The following YWHAG variants were observed in gnomAD, a reference collection of about 807,000 sequenced individuals.
YWHAG encodes the protein tyrosine 3-monooxygenase/tryptophan 5-monooxygenase activation protein gamma.
YWHAG carries 1 observed loss-of-function variant against 23.3 expected under a neutral mutation model. That is an observed-to-expected ratio of 0.04 (90% CI 0.02 to 0.20). The LOEUF (loss-of-function observed/expected upper bound fraction) is 0.20. Ranked by LOEUF, YWHAG falls within the 10% of genes least tolerant of loss-of-function variation. The pLI is 1.00. For missense variants in YWHAG, 151 were observed against 338.6 expected, an observed-to-expected ratio of 0.45 and a Z score of 4.35; for synonymous variants, 160 against 144.0, an observed-to-expected ratio of 1.11 and a Z score of -0.80.
chr7:76,339,020 T>A (rs1381777435), intron 1 of YWHAG, among the ~76,000 whole-genome samples: 2 of 152,204 alleles, frequency 1.3e-5, no homozygotes, highest in African/African-American at 2.4e-5. Context: ...TACCCTGTTA[T>A]TCATACCTAC....
intron 1 of YWHAG, 76 bp from the exon 2 acceptor site, chr7:76,330,309 A>G: frequency 6.9e-7 from 1 of 1,446,320 alleles, no homozygotes; most frequent in Middle Eastern, 1.8e-4. Flanking sequence ...GAGACACTAG[A>G]ACAGAGCTCT....
intron 1 of YWHAG, among the ~76,000 whole-genome samples, chr7:76,353,613 A>T (rs1047491156): frequency 6.6e-6 from 1 of 152,358 alleles, no homozygotes; most frequent in South Asian, 2.1e-4. Context: ...TCTACAAATG[A>T]CAATTTTAAG....
At chr7:76,348,417 G>A (rs755982136) in intron 1 of YWHAG, among the ~76,000 whole-genome samples, 42 of 143,956 alleles carry the variant, frequency 2.9e-4, no homozygotes, top group Non-Finnish European at 5.4e-4. Flanking sequence ...CACCATGCCC[G>A]CTAATTTTTT....
At chr7:76,334,906 C>T (rs1469630887) in intron 1 of YWHAG, among the ~76,000 whole-genome samples, 1 of 152,104 alleles carries the variant, frequency 6.6e-6, no homozygotes, top group Non-Finnish European at 1.5e-5. Context: ...ACGAATGCAA[C>T]ACTTGTAAAC....
chr7:76,349,585 C>T (rs1286043508), intron 1 of YWHAG, among the ~76,000 whole-genome samples: 3 of 152,110 alleles, frequency 2.0e-5, no homozygotes, highest in African/African-American at 7.2e-5. Context: ...TGCCACAGCT[C>T]CAAATAATGT....
chr7:76,333,544 C>T (rs1231936250), intron 1 of YWHAG, among the ~76,000 whole-genome samples: 3 of 152,222 alleles, frequency 2.0e-5, no homozygotes, highest in African/African-American at 4.8e-5. Flanking sequence ...CTTCCTGTAT[C>T]GAGTGTCTCT....
chr7:76,347,100 G>A (rs988640962), intron 1 of YWHAG, among the ~76,000 whole-genome samples: 1 of 152,026 alleles, frequency 6.6e-6, no homozygotes, highest in African/African-American at 2.4e-5. Flanking sequence ...AACCCTCCCT[G>A]ACGACCAGTG....
chr7:76,331,811 C>G (rs904017843), intron 1 of YWHAG, among the ~76,000 whole-genome samples: 1 of 151,406 alleles, frequency 6.6e-6, no homozygotes, highest in Non-Finnish European at 1.5e-5. Context: ...CAAGACCAGC[C>G]TGGCCAACAT....
chr7:76,354,356 C>T (rs1477915156), intron 1 of YWHAG, among the ~76,000 whole-genome samples: 7 of 151,676 alleles, frequency 4.6e-5, no homozygotes, highest in Non-Finnish European at 8.8e-5. Context: ...ATCAAAACTA[C>T]AAAAATTCAC....
At position 76,347,035 on chromosome 7, in the gene YWHAG, C is replaced by G. The variant is rs1803788668; in HGVS notation, c.87+11687G>C. Among the ~76,000 whole-genome samples, 3 of 152,254 alleles carry G rather than the reference C, an allele frequency of 2.0e-5. No individual in the cohort carries two copies. In the South Asian group the frequency reaches 6.2e-4, roughly 32 times the overall value. Reference sequence around the variant, plus strand: ...GCCTGGCTATTCCTTCCTCCAACCTCTCCCCCTCCCTCAAGTTTCCCAAAG... The same window carrying G: ...GCCTGGCTATTCCTTCCTCCAACCTGTCCCCCTCCCTCAAGTTTCCCAAAG... On this transcript the variant is annotated intron_variant, in intron 1 of 1. Coordinates refer to ENST00000307630, the MANE Select transcript of YWHAG (RefSeq NM_012479.4).
intron 1 of YWHAG, among the ~76,000 whole-genome samples, chr7:76,346,608 TTTC>T (rs1002425887): frequency 1.3e-5 from 2 of 152,156 alleles, no homozygotes; most frequent in Non-Finnish European, 2.9e-5. Context: ...TCTCCTCCTC[TTTC>T]TTCTTCTATC....
intron 1 of YWHAG, among the ~76,000 whole-genome samples, chr7:76,340,917 C>G (rs542706600): frequency 6.6e-6 from 1 of 152,320 alleles, no homozygotes; most frequent in African/African-American, 2.4e-5. Flanking sequence ...CACTCTGTCA[C>G]CCAGGCTGGA....
intron 1 of YWHAG, among the ~76,000 whole-genome samples, chr7:76,337,026 C>T (rs370295991): frequency 9.8e-5 from 15 of 152,336 alleles, no homozygotes; most frequent in South Asian, 6.2e-4. Context: ...CATCACAACT[C>T]GTTCGAAAGA....
chr7:76,329,799 G>A lies in YWHAG; in HGVS notation c.522C>T (p.Gly174=), dbSNP rs749415903. 3 of 1,613,858 alleles carry A rather than the reference G, an allele frequency of 1.9e-6. No homozygotes were observed. In the Admixed American group the frequency reaches 5.0e-5, roughly 27 times the overall value. The change falls in exon 2 of 2, where the codon GGC becomes GGT. Residue 174 remains glycine, a synonymous_variant. Coordinates refer to ENST00000307630, the MANE Select transcript of YWHAG (RefSeq NM_012479.4). This position sits in a 1 kb window ranked among gnomAD's most constrained non-coding sequence, Gnocchi z 6.1. ...HMQPTHPIRL[G]LALNYSVFYY... ...AGAAGACGGAGTAGTTAAGAGCCAG[G>A]CCTAATCGGATGGGGTGGGTGGGCT... is the stretch of plus-strand genomic sequence containing the variant.
intron 1 of YWHAG, among the ~76,000 whole-genome samples, chr7:76,343,546 A>G (rs1320882601): frequency 1.3e-5 from 2 of 152,146 alleles, no homozygotes; most frequent in African/African-American, 4.8e-5. Context: ...TCTCCACATG[A>G]TGTACCCATC....
At chr7:76,344,115 GA>G (rs1803741140) in intron 1 of YWHAG, among the ~76,000 whole-genome samples, 1 of 151,904 alleles carries the variant, frequency 6.6e-6, no homozygotes, top group South Asian at 2.1e-4. Flanking sequence ...AAACAATTAG[GA>G]ATTTTTTTTT....
chr7:76,350,718 C>T (rs1033369236), intron 1 of YWHAG, among the ~76,000 whole-genome samples: 2 of 152,088 alleles, frequency 1.3e-5, no homozygotes, highest in Non-Finnish European at 2.9e-5. Context: ...GTGGTACATG[C>T]CTGTAATCCC....
At chr7:76,343,716 T>C (rs1803734140) in intron 1 of YWHAG, among the ~76,000 whole-genome samples, 1 of 152,162 alleles carries the variant, frequency 6.6e-6, no homozygotes, top group Non-Finnish European at 1.5e-5. Flanking sequence ...TTTTGACTAA[T>C]GGAGCCTAAG....
chr7:76,339,072 A>T (rs1344672618), intron 1 of YWHAG, among the ~76,000 whole-genome samples: 1 of 152,174 alleles, frequency 6.6e-6, no homozygotes, highest in African/African-American at 2.4e-5. Flanking sequence ...AGTTTTCAGA[A>T]AAGCCCAAAG....
Sources: allele counts gnomAD v4.1 joint callset (sites outside exome capture counted in the v4.1 genomes callset), GRCh38; gene constraint gnomAD v4.1.1; non-coding constraint Gnocchi (gnomAD v3.1); transcripts MANE v1.5; gene names NCBI Gene and HGNC (gene_info 2026-07-23, HGNC 2026-07-21).